Variants in STXBP5L observed in about 807,000 individuals in gnomAD.
STXBP5L encodes syntaxin binding protein 5L.
In STXBP5L, 65 loss-of-function variants were observed where a neutral mutation model predicts 144.5. The observed-to-expected ratio is 0.45, with a 90% CI of 0.37 to 0.55. The LOEUF is 0.55. Among genes scored for constraint, STXBP5L ranks in the 20% least tolerant of loss-of-function variants. STXBP5L has a pLI of 0.00. For missense variants in STXBP5L, 1,298 were observed against 1,405.5 expected (o/e 0.92, Z 1.22); for synonymous variants, 505 against 469.6 (o/e 1.08, Z -0.97).
intron 3 of STXBP5L, among the ~76,000 whole-genome samples, chr3:121,036,460 C>T (rs1440011717): frequency 6.6e-6 from 1 of 152,058 alleles, no homozygotes; most frequent in East Asian, 1.9e-4. Flanking sequence ...TTCCAGCCTG[C>T]ATGCTTTTTA....
rs1164421255 is a variant in STXBP5L at position 121,313,146 on chromosome 3, C to A, written c.2111-5329C>A. On this transcript the variant is annotated intron_variant, in intron 19 of 26. Transcript: ENST00000471454. ...GGCTGGCCAGGCAGAGGGGTCCTCACTTCCCAGTAGGGGCGGCCGGGCAGA... is the reference window on the plus strand; with the variant it reads ...GGCTGGCCAGGCAGAGGGGTCCTCAATTCCCAGTAGGGGCGGCCGGGCAGA... Among the ~76,000 whole-genome samples the A allele has an allele frequency of 4.1e-5, 6 of 145,646 alleles. 1 individual carries two copies. The highest frequency in any genetic ancestry group is 1.3e-4 in the African/African-American group (5 of 38,594).
intron 16 of STXBP5L, among the ~76,000 whole-genome samples, chr3:121,256,788 A>T (rs1442276695): frequency 6.6e-6 from 1 of 151,680 alleles, no homozygotes; most frequent in Admixed American, 6.6e-5. Context: ...ACCATAATCA[A>T]CTTCTCCTTT....
chr3:121,293,382 T>C (rs1193315137), intron 19 of STXBP5L, among the ~76,000 whole-genome samples: 1 of 152,212 alleles, frequency 6.6e-6, no homozygotes, highest in African/African-American at 2.4e-5. Context: ...CTCTTGGGCA[T>C]GACAGAAGTG....
At chr3:121,001,463 G>A (rs1224229773) in intron 3 of STXBP5L, among the ~76,000 whole-genome samples, 3 of 152,216 alleles carry the variant, frequency 2.0e-5, no homozygotes, top group Non-Finnish European at 4.4e-5. Flanking sequence ...CTGGAACAGT[G>A]TGGTGAGCCT....
intron 2 of STXBP5L, among the ~76,000 whole-genome samples, chr3:120,923,777 A>G (rs112572833): frequency 0.019 from 2,824 of 152,232 alleles, 89 homozygotes; most frequent in African/African-American, 0.065. Context: ...TCTGGAGAAT[A>G]TTCCATGTGC....
chr3:121,348,317 A>G (rs947329628), intron 20 of STXBP5L, among the ~76,000 whole-genome samples: 16 of 152,104 alleles, frequency 1.1e-4, no homozygotes, highest in African/African-American at 3.9e-4. Context: ...CCACTTGACC[A>G]TGGTGGATAA....
chr3:121,290,108 C>T (rs1329191832), intron 19 of STXBP5L, among the ~76,000 whole-genome samples: 10 of 151,854 alleles, frequency 6.6e-5, no homozygotes, highest in Admixed American at 5.9e-4. Flanking sequence ...GATAAATGAA[C>T]CAAAATGTGG....
At chr3:121,056,287 T>G (rs1228568521) in intron 5 of STXBP5L, among the ~76,000 whole-genome samples, 7 of 152,194 alleles carry the variant, frequency 4.6e-5, no homozygotes, top group Non-Finnish European at 1.5e-5. Flanking sequence ...TAAATTTATG[T>G]AATACTGGAG....
chr3:120,961,446 C>T (rs1271455586), intron 3 of STXBP5L, among the ~76,000 whole-genome samples: 1 of 152,024 alleles, frequency 6.6e-6, no homozygotes, highest in East Asian at 1.9e-4. Flanking sequence ...CAACGAGGCC[C>T]CAGTGTGTGA....
At chr3:121,375,746 A>AC (rs1011871106) in intron 20 of STXBP5L, among the ~76,000 whole-genome samples, 1 of 152,166 alleles carries the variant, frequency 6.6e-6, no homozygotes, top group Non-Finnish European at 1.5e-5. Flanking sequence ...GTACAATTAT[A>AC]CCTTTTCAAA....
chr3:121,170,506 G>A (rs1031566895), intron 9 of STXBP5L, among the ~76,000 whole-genome samples: 2 of 152,140 alleles, frequency 1.3e-5, no homozygotes, highest in African/African-American at 4.8e-5. Flanking sequence ...ATGATAAATT[G>A]TATATCACCA....
chr3:120,996,127 C>A (rs1224861181), intron 3 of STXBP5L, among the ~76,000 whole-genome samples: 10 of 152,010 alleles, frequency 6.6e-5, no homozygotes, highest in Admixed American at 6.6e-4. Flanking sequence ...CATTCAAATT[C>A]ATTTTTATTT....
intron 5 of STXBP5L, among the ~76,000 whole-genome samples, chr3:121,054,727 C>G (rs986982382): frequency 7.9e-5 from 12 of 152,008 alleles, no homozygotes; most frequent in African/African-American, 2.7e-4. Context: ...TACCGTAAAA[C>G]TTAAAGTATA....
At chr3:121,311,096 T>C (rs2043511057) in intron 19 of STXBP5L, among the ~76,000 whole-genome samples, 1 of 152,158 alleles carries the variant, frequency 6.6e-6, no homozygotes, top group Non-Finnish European at 1.5e-5. Flanking sequence ...ATCATGAAGA[T>C]ATATGATTAG....
chr3:121,347,385 T>C (rs2045041391), intron 20 of STXBP5L, among the ~76,000 whole-genome samples: 2 of 152,128 alleles, frequency 1.3e-5, no homozygotes, highest in Admixed American at 1.3e-4. Context: ...GTCAGGTAGC[T>C]TGATGCCTCC....
intron 3 of STXBP5L, among the ~76,000 whole-genome samples, chr3:120,982,432 G>A (rs1320526599): frequency 6.6e-6 from 1 of 152,174 alleles, no homozygotes; most frequent in Non-Finnish European, 1.5e-5. Context: ...CTGAAGGAGG[G>A]GAGTTGGCTG....
intron 19 of STXBP5L, among the ~76,000 whole-genome samples, chr3:121,289,381 A>G (rs1207664196): frequency 6.6e-6 from 1 of 152,138 alleles, no homozygotes; most frequent in Admixed American, 6.5e-5. Context: ...CATCTAACAC[A>G]GGATCTCCCA....
intron 3 of STXBP5L, among the ~76,000 whole-genome samples, chr3:120,974,484 C>T (rs9842660): frequency 0.04 from 5,488 of 136,332 alleles, 245 homozygotes; most frequent in Admixed American, 0.091. Flanking sequence ...TTCTCCCATG[C>T]TCTAGGTTGC....
At chr3:120,910,929 A>G (rs1708802446) in intron 2 of STXBP5L, among the ~76,000 whole-genome samples, 1 of 152,156 alleles carries the variant, frequency 6.6e-6, no homozygotes, top group Admixed American at 6.5e-5. Flanking sequence ...TCAATAGGAA[A>G]TAACAGATAT....
Sources: gnomAD v4.1 joint callset for allele counts (sites outside exome capture counted in the v4.1 genomes callset) on GRCh38, gnomAD v4.1.1 for gene constraint, MANE v1.5 for transcripts, NCBI Gene and HGNC (gene_info 2026-07-23, HGNC 2026-07-21) for gene names.